The following SH2D3C variants were observed in gnomAD, a reference collection of about 807,000 sequenced individuals.
SH2D3C encodes SH2 domain-containing protein 3C.
SH2D3C carries 25 observed loss-of-function variants against 75.2 expected under a neutral mutation model. The observed-to-expected ratio is 0.33, with a 90% confidence interval of 0.24 to 0.46. The LOEUF (loss-of-function observed/expected upper bound fraction) is 0.46, where lower values mean the gene tolerates loss of function less well. SH2D3C is among the 20% of genes least tolerant of loss of function. The pLI is 1.00. For missense variants in SH2D3C, 933 were observed against 1,165.3 expected (o/e 0.80, Z 2.90); for synonymous variants, 450 against 473.7 (o/e 0.95, Z 0.65).
intron 8 of SH2D3C, chr9:127,742,626 A>G (rs1439803524): frequency 4.0e-6 from 2 of 498,756 alleles, no homozygotes; most frequent in Admixed American, 7.2e-5. Context: ...GGTCAAGGGG[A>G]TGCGAAAGGA....
chr9:127,750,610 T>C (rs1303475238), intron 4 of SH2D3C, among the ~76,000 whole-genome samples: 1 of 152,218 alleles, frequency 6.6e-6, no homozygotes, highest in African/African-American at 2.4e-5. Flanking sequence ...CCTGGGCCAT[T>C]AGCCATCAAG....
chr9:127,740,749 C>T (rs1205135521), intron 9 of SH2D3C, among the ~76,000 whole-genome samples: 3 of 151,860 alleles, frequency 2.0e-5, no homozygotes, highest in East Asian at 1.9e-4. Context: ...GGCGCAATCT[C>T]GGCTCACTGC....
Position 127,742,696 on chromosome 9 carries a change from A to C in SH2D3C, c.1916+153T>G. The C allele has an allele frequency of 6.8e-6, 4 of 585,770 alleles. No individual in the cohort carries two copies. The South Asian group carries it at 8.3e-5, about 12-fold the overall frequency. 36.3% of individuals were successfully genotyped at this position (585,770 alleles called of 1,614,324 possible). ...GAAATCAGCCTGTTTAGAGCGGGTT[A>C]TCAGGGCTTGCGATTGGTCAATGGG... On this transcript the variant is annotated intron_variant, in intron 8 of 11. Transcript: ENST00000314830.
chr9:127,750,009 T>G (rs1448850298), intron 4 of SH2D3C, among the ~76,000 whole-genome samples: 1 of 152,084 alleles, frequency 6.6e-6, no homozygotes, highest in Non-Finnish European at 1.5e-5. Flanking sequence ...AGGGTTCCGG[T>G]TGGGCAGAGT....
intron 2 of SH2D3C, 63 bp from the exon 3 acceptor site, chr9:127,761,713 T>G: frequency 7.0e-7 from 1 of 1,434,778 alleles, no homozygotes; most frequent in Non-Finnish European, 9.7e-7. Flanking sequence ...TGCCGGTCTC[T>G]TGCCTGCCTG....
In SH2D3C at chr9:127,774,433, G is replaced by A; in HGVS notation, c.72C>T (p.Ser24=). ...FFKFKGFGSL[S]NLPRSFTLRR... ...TCAGAGTGAAGGACCGAGGGAGGTT[G>A]GAGAGACTCCCAAAGCCCTTGAACT... Residue 24 remains serine (S), a synonymous_variant, in exon 2 of 12, where the codon TCC becomes TCT. Coordinates refer to ENST00000314830, the MANE Select transcript of SH2D3C (RefSeq NM_170600.3). This position sits in a 1 kb window ranked among gnomAD's most constrained non-coding sequence, Gnocchi z 4.3. The A allele has an allele frequency of 6.2e-7, 1 of 1,606,732 alleles. No individual in the cohort carries two copies. The highest frequency in any genetic ancestry group is 2.2e-5 in the East Asian group (1 of 44,778).
chr9:127,764,598 C>T (rs1439330516), intron 2 of SH2D3C, among the ~76,000 whole-genome samples: 1 of 152,192 alleles, frequency 6.6e-6, no homozygotes, highest in Non-Finnish European at 1.5e-5. Context: ...TGCGCTGCTC[C>T]ATCTCCCCCA....
At chr9:127,769,627 GC>G (rs1845696700) in intron 2 of SH2D3C, among the ~76,000 whole-genome samples, 1 of 145,634 alleles carries the variant, frequency 6.9e-6, no homozygotes, top group Non-Finnish European at 1.5e-5. Flanking sequence ...TTGCACCCCA[GC>G]CTGGGCAACA....
chr9:127,776,938 G>C (rs1229028564), intron 1 of SH2D3C, among the ~76,000 whole-genome samples: 2 of 152,204 alleles, frequency 1.3e-5, no homozygotes, highest in Non-Finnish European at 2.9e-5. Context: ...GCCAGAGGGA[G>C]GACCCCCAAC....
chr9:127,767,367 T>C lies in SH2D3C; in HGVS notation c.516-5717A>G. 2.1e-6 allele frequency: 3 copies of C among 1,408,292 alleles called. No individual in the cohort carries two copies. In the South Asian group the frequency reaches 4.6e-5, roughly 22 times the overall value. 87.2% of individuals were successfully genotyped at this position (1,408,292 alleles called of 1,614,324 possible). On this transcript the variant is annotated intron_variant, in intron 2 of 11. Coordinates refer to ENST00000314830, the MANE Select transcript of SH2D3C (RefSeq NM_170600.3). ...AGCCCCATTTTACAGGGGAGAAAAC[T>C]GAAGCTTGTAACTTGACCCAGGGCA...
At chr9:127,770,646 C>T (rs1394619853) in intron 2 of SH2D3C, among the ~76,000 whole-genome samples, 1 of 151,730 alleles carries the variant, frequency 6.6e-6, no homozygotes, top group African/African-American at 2.4e-5. Context: ...CCCCATCCTC[C>T]TCGGGACACT....
chr9:127,768,672 C>T (rs1348740308), intron 2 of SH2D3C, among the ~76,000 whole-genome samples: 3 of 152,202 alleles, frequency 2.0e-5, no homozygotes, highest in Admixed American at 6.5e-5. Context: ...CTGCTCAAGG[C>T]CAGCAATGGC....
chr9:127,752,405 C>T (rs1845227017), intron 3 of SH2D3C, among the ~76,000 whole-genome samples: 2 of 152,148 alleles, frequency 1.3e-5, no homozygotes, highest in African/African-American at 4.8e-5. Flanking sequence ...CTCCTTCCCC[C>T]ACCTCCAGGC....
rs1000811771 is a variant in SH2D3C, at chr9:127,751,116, G to A, written c.684+56C>T. ...GTGGCTGCAGCCAGGGCTGGGGCTG[G>A]CCAAGGCAGTGGGTGGGAGGGTCCC... is the stretch of plus-strand genomic sequence containing the variant. On this transcript the variant is annotated intron_variant, in intron 4 of 11. Coordinates refer to ENST00000314830, the MANE Select transcript of SH2D3C (RefSeq NM_170600.3). The surrounding 1 kb of genome is among the most constrained non-coding windows in gnomAD (Gnocchi z 4.1). 18 of 1,594,020 alleles carry A rather than the reference G, an allele frequency of 1.1e-5. No homozygotes were observed. Among genetic ancestry groups the A allele is most frequent in the Non-Finnish European group, 1.5e-5 (17 of 1,166,478 alleles).
chr9:127,764,757 G>C (rs1253735063), intron 2 of SH2D3C, among the ~76,000 whole-genome samples: 1 of 152,148 alleles, frequency 6.6e-6, no homozygotes, highest in Non-Finnish European at 1.5e-5. Flanking sequence ...GCCCAGGCTG[G>C]AGTACAGTGG....
rs1374417967 is a variant in SH2D3C at position 127,744,813 on chromosome 9, C to A, written c.1551G>T (p.Gln517His). 1 of 1,614,228 alleles carries A rather than the reference C, an allele frequency of 6.2e-7. No homozygotes were observed. Among genetic ancestry groups the A allele is most frequent in the Admixed American group, 1.7e-5 (1 of 60,032 alleles). ...TTAGCCTCTCCCCATAGCTCCTGGC[C>A]TGCTGGCTGGAGGTCTCAGTCGCTG... The part of the protein sequence containing the change: ...EWAATETSSQ[Q>H]ARSYGERLKE... The change falls in exon 7 of 12, where the codon CAG (glutamine) becomes CAT (histidine). Residue 517 changes from glutamine (Q) to histidine (H), a missense_variant. Gln to His is a conservative substitution (Grantham distance 24). Coordinates refer to ENST00000314830, the MANE Select transcript of SH2D3C (RefSeq NM_170600.3).
intron 6 of SH2D3C, 131 bp downstream of exon 6, chr9:127,747,016 G>C: frequency 1.2e-6 from 1 of 810,402 alleles, no homozygotes; most frequent in Non-Finnish European, 2.0e-6. Flanking sequence ...CAGGATTCCA[G>C]TGTCAGTTCT....
chr9:127,777,702 G>C (rs894189405), intron 1 of SH2D3C, among the ~76,000 whole-genome samples: 2 of 152,180 alleles, frequency 1.3e-5, no homozygotes, highest in African/African-American at 4.8e-5. Context: ...CAGAGATCGA[G>C]AGACGCGGTG....
chr9:127,749,373 C>G lies in SH2D3C; in HGVS notation c.977G>C (p.Arg326Pro), dbSNP rs749342635. ...CAGGCCATAGCTGGCCTCGAGGTAG[C>G]GCAGTGGGAAGGTGCGGTTCACCGG... ...YCPVNRTFPL[R>P]YLEASYGLGQ... The change falls in exon 5 of 12, where the codon CGC becomes CCC. Residue 326 changes from arginine to proline, a missense_variant. Physicochemically the swap from Arg to Pro is moderately radical, Grantham distance 103. Coordinates refer to ENST00000314830, the MANE Select transcript of SH2D3C (RefSeq NM_170600.3). The surrounding 1 kb of genome is among the most constrained non-coding windows in gnomAD (Gnocchi z 5.9). 1 of 1,613,944 alleles carries G rather than the reference C, an allele frequency of 6.2e-7. No homozygotes were observed. Among genetic ancestry groups the G allele is most frequent in the South Asian group, 1.1e-5 (1 of 91,092 alleles).
Sources: allele counts gnomAD v4.1 joint callset (sites outside exome capture counted in the v4.1 genomes callset), GRCh38; gene constraint gnomAD v4.1.1; non-coding constraint Gnocchi (gnomAD v3.1); transcripts MANE v1.5; gene names NCBI Gene and HGNC (gene_info 2026-07-23, HGNC 2026-07-21).